PDE9A: variants seen among roughly 807,000 people sequenced by gnomAD.
PDE9A encodes high affinity cGMP-specific 3',5'-cyclic phosphodiesterase 9A.
PDE9A carries 60 observed loss-of-function variants against 87.4 expected under a neutral mutation model. The observed-to-expected ratio is 0.69, with a 90% CI of 0.56 to 0.85. The LOEUF (loss-of-function observed/expected upper bound fraction) is 0.85, where lower values mean the gene tolerates loss of function less well. Among genes scored for constraint, PDE9A ranks in the 40% least tolerant of loss-of-function variants. PDE9A has a pLI of 0.00. For synonymous variants in PDE9A, 272 were observed against 279.4 expected, an observed-to-expected ratio of 0.97 and a Z score of 0.27; for missense variants, 665 against 779.0, an observed-to-expected ratio of 0.85 and a Z score of 1.74.
chr21:42,732,010 T>A (rs532483365), intron 5 of PDE9A, 60 bp from the exon 6 acceptor site: 50 of 1,611,974 alleles, frequency 3.1e-5, no homozygotes, highest in Non-Finnish European at 1.4e-5. Context: ...CGGGCTGCAA[T>A]GGCCTACACA....
intron 4 of PDE9A, among the ~76,000 whole-genome samples, chr21:42,703,696 C>T (rs1354764790): frequency 6.6e-6 from 1 of 152,140 alleles, no homozygotes; most frequent in Non-Finnish European, 1.5e-5. Context: ...GCTGCTCCTC[C>T]CTGGAGGACT....
In PDE9A at chr21:42,710,593, T is replaced by C. The variant is rs559615330; in HGVS notation, c.262+11582T>C. Among the ~76,000 whole-genome samples, 16 of 152,334 alleles carry C rather than the reference T, an allele frequency of 1.1e-4. No homozygotes were observed. The East Asian group carries it at 2.9e-3, about 27-fold the overall frequency. ...GTGTAAGAGCAATCCTATCTTCTTA[T>C]AGTTTTAATTTGCATTTCCAAGTAA... On this transcript the variant is annotated intron_variant, in intron 4 of 19. Transcript: ENST00000291539.
At chr21:42,667,473 C>T (rs1307242025) in intron 1 of PDE9A, among the ~76,000 whole-genome samples, 1 of 152,118 alleles carries the variant, frequency 6.6e-6, no homozygotes, top group African/African-American at 2.4e-5. Context: ...AAACACACCC[C>T]TCCCTCCCAG....
intron 17 of PDE9A, 74 bp from the exon 18 acceptor site, chr21:42,770,629 C>T: frequency 8.6e-7 from 1 of 1,162,472 alleles, no homozygotes; most frequent in Non-Finnish European, 1.3e-6. Flanking sequence ...GAGCACCTGA[C>T]ACCTGTTTTT....
intron 15 of PDE9A, 21 bp downstream of exon 15, chr21:42,765,515 G>T: frequency 1.4e-6 from 2 of 1,414,884 alleles, no homozygotes; most frequent in East Asian, 2.3e-5. Flanking sequence ...TATTCTGCCT[G>T]GGTGGGCAGC....
At chr21:42,770,606 A>T (rs1451720735) in intron 17 of PDE9A, 97 bp from the exon 18 acceptor site, 1 of 868,790 alleles carries the variant, frequency 1.2e-6, no homozygotes, top group African/African-American at 1.7e-5. Context: ...ACTGGCCCAG[A>T]GGTTTCCGCA....
chr21:42,653,905 C>G lies in PDE9A; in HGVS notation c.69+22C>G. On this transcript the variant is annotated intron_variant, in intron 1 of 19. Coordinates refer to ENST00000291539, the MANE Select transcript of PDE9A (RefSeq NM_002606.3). The stretch of plus-strand genomic sequence containing the variant: ...GAAGGTAGCCCCTCCCCCACCCAGA[C>G]ACCCCCTCCTCCCCCCGGGTGACAG... The G allele has an allele frequency of 1.4e-6, 2 of 1,396,060 alleles. 1 individual carries two copies. 86.5% of individuals were successfully genotyped at this position (1,396,060 alleles called of 1,614,324 possible). A position where few individuals can be genotyped will look rare whatever the true frequency, so the allele number is the denominator to read the frequency against.
Position 42,743,764 on chromosome 21 carries a change from C to T in PDE9A, c.569-12C>T, listed in dbSNP as rs749612257. On this transcript the variant is annotated splice_polypyrimidine_tract_variant and intron_variant, in intron 7 of 19. Coordinates refer to ENST00000291539, the MANE Select transcript of PDE9A (RefSeq NM_002606.3). ...GTGGTAACCCCCTTGCTGTCTCTCTCTCTGTCACCAGTGGAAGGACTAAAA... is the reference window on the plus strand; with the variant it reads ...GTGGTAACCCCCTTGCTGTCTCTCTTTCTGTCACCAGTGGAAGGACTAAAA... The T allele has an allele frequency of 2.1e-5, 32 of 1,551,912 alleles. No homozygotes were observed. The African/African-American group carries it at 3.4e-4, about 16-fold the overall frequency.
intron 4 of PDE9A, among the ~76,000 whole-genome samples, chr21:42,720,937 G>A (rs1453492424): frequency 2.0e-5 from 3 of 152,070 alleles, no homozygotes; most frequent in Middle Eastern, 3.4e-3. Flanking sequence ...CCCGGGAGGC[G>A]GAGGTTGCAG....
intron 4 of PDE9A, chr21:42,700,601 A>G (rs1426199021): frequency 5.3e-5 from 8 of 152,170 alleles, no homozygotes. Context: ...GTTACTGTTG[A>G]TCTCCTTCCC....
intron 4 of PDE9A, among the ~76,000 whole-genome samples, chr21:42,721,284 C>T (rs2146587614): frequency 6.6e-6 from 1 of 152,298 alleles, no homozygotes; most frequent in East Asian, 1.9e-4. Context: ...AGGGAAAAAA[C>T]TCGATTCAAT....
chr21:42,741,856 G>T (rs2053308156), intron 7 of PDE9A: 1 of 152,144 alleles, frequency 6.6e-6, no homozygotes, highest in African/African-American at 2.4e-5. Context: ...TTTTCCTTTA[G>T]AAAACATTTG....
In PDE9A at chr21:42,708,118, A is replaced by G. The variant is rs1023203699; in HGVS notation, c.262+9107A>G. Among the ~76,000 whole-genome samples the G allele has an allele frequency of 7.9e-5, 12 of 152,300 alleles. No individual in the cohort carries two copies. In the East Asian group the frequency reaches 2.1e-3, roughly 27 times the overall value. On this transcript the variant is annotated intron_variant, in intron 4 of 19. Coordinates refer to ENST00000291539, the MANE Select transcript of PDE9A (RefSeq NM_002606.3). ...TAATAATATTGTCTATTTCAGTGCA[A>G]TTTCAGTCTAGAAGGCTTTATAAGC... is the stretch of plus-strand genomic sequence containing the variant.
At chr21:42,731,745 AC>A (rs1461368421) in intron 4 of PDE9A, 24 bp from the exon 5 acceptor site, 3 of 1,600,034 alleles carry the variant, frequency 1.9e-6, no homozygotes, top group Non-Finnish European at 2.6e-6. Flanking sequence ...ATATTTGGAA[AC>A]CCAGTCCTGC....
rs2055419487 is a variant in PDE9A, at chr21:42,759,369, C to CGGTGTGTGGGAGCGTGTGTG, written c.897+285_897+304dup. 6.8e-6 allele frequency among the ~76,000 whole-genome samples: 1 copy of CGGTGTGTGGGAGCGTGTGTG among 146,348 alleles called. No individual in the cohort carries two copies. Among genetic ancestry groups the CGGTGTGTGGGAGCGTGTGTG allele is most frequent in the Admixed American group, 6.8e-5 (1 of 14,628 alleles). On this transcript the variant is annotated intron_variant, in intron 11 of 19. Coordinates refer to ENST00000291539, the MANE Select transcript of PDE9A (RefSeq NM_002606.3). This position sits in a 1 kb window ranked among gnomAD's most constrained non-coding sequence, Gnocchi z 7.2. ...AGCAAAGCAGCATGTCCTAAAGCAG[C>CGGTGTGTGGGAGCGTGTGTG]GGTGTGTGGGAGCGTGTGTGTGTGT...
Position 42,693,043 on chromosome 21 carries a change from G to GT in PDE9A, c.218+5049_218+5050insT, listed in dbSNP as rs941126944. On this transcript the variant is annotated intron_variant, in intron 3 of 19. Transcript: ENST00000291539. ...GTGCTGCGTGGAAAAGGGGCCGTGG[G>GT]AAGGCTGGGCAGGTGGCTGCTCAGA... is the stretch of plus-strand genomic sequence containing the variant. Among the ~76,000 whole-genome samples the GT allele has an allele frequency of 4.5e-4, 68 of 152,366 alleles. 3 individuals carry two copies. Among genetic ancestry groups the GT allele is most frequent in the Non-Finnish European group, 2.9e-5 (2 of 68,036 alleles).
intron 1 of PDE9A, among the ~76,000 whole-genome samples, chr21:42,670,306 CTT>C (rs1569117415): frequency 2.2e-5 from 3 of 136,340 alleles, no homozygotes; most frequent in African/African-American, 6.7e-5. Context: ...CACACATACA[CTT>C]AGACACCACA....
At position 42,704,996 on chromosome 21, in the gene PDE9A, G is replaced by A. The variant is rs925465983; in HGVS notation, c.262+5985G>A. Among the ~76,000 whole-genome samples, 1 of 152,228 alleles carries A rather than the reference G, an allele frequency of 6.6e-6. No homozygotes were observed. Among genetic ancestry groups the A allele is most frequent in the Non-Finnish European group, 1.5e-5 (1 of 68,036 alleles). ...ACTTTTCATAGAAAAGGGAGAATAG[G>A]CCAGCCCTGGCCTGGGTCCACAACC... On this transcript the variant is annotated intron_variant, in intron 4 of 19. Transcript: ENST00000291539. This position sits in a 1 kb window ranked among gnomAD's most constrained non-coding sequence, Gnocchi z 5.3.
intron 13 of PDE9A, among the ~76,000 whole-genome samples, chr21:42,761,169 G>A (rs969799871): frequency 2.0e-5 from 3 of 152,246 alleles, no homozygotes; most frequent in East Asian, 1.9e-4. Flanking sequence ...TCAGGCTCAG[G>A]TGCACGGCAG....
Sources: allele counts gnomAD v4.1 joint callset (sites outside exome capture counted in the v4.1 genomes callset), GRCh38; gene constraint gnomAD v4.1.1; non-coding constraint Gnocchi (gnomAD v3.1); transcripts MANE v1.5; gene names NCBI Gene and HGNC (gene_info 2026-07-23, HGNC 2026-07-21).